The following MUC21 variants were observed in gnomAD, a reference collection of about 807,000 sequenced individuals.
MUC21 encodes the protein mucin-21.
A neutral mutation model predicts 9.1 loss-of-function variants in MUC21; 8 were observed. That is an observed-to-expected ratio of 0.88 (90% confidence interval 0.52 to 1.59). The LOEUF is 1.59. Among genes scored for constraint, MUC21 ranks in the 40% most tolerant of loss-of-function variants. The probability of loss-of-function intolerance (pLI) is 0.00; values close to 1 mark genes in which losing one functional copy is unlikely to be tolerated. For synonymous variants in MUC21, 189 were observed against 275.2 expected (o/e 0.69, Z 3.10); for missense variants, 478 against 694.2 (o/e 0.69, Z 3.50).
intron 1 of MUC21, 109 bp downstream of exon 1, chr6:30,984,128 C>A: frequency 1.5e-6 from 1 of 684,044 alleles, no homozygotes; most frequent in Non-Finnish European, 2.7e-6. Context: ...GAGTGAGGAT[C>A]ATCATTTTAC....
chr6:30,987,523 G>A lies in MUC21; in HGVS notation c.1348G>A (p.Ala450Thr). 6.2e-7 allele frequency: 1 copy of A among 1,614,288 alleles called. No homozygotes were observed. The highest frequency in any genetic ancestry group is 8.5e-7 in the Non-Finnish European group (1 of 1,180,050). Residue 450 changes from alanine (A) to threonine (T), a missense_variant, in exon 2 of 3, where the codon GCA becomes ACA. Coordinates refer to ENST00000376296, the MANE Select transcript of MUC21 (RefSeq NM_001010909.5). ...TGTGACCTCTGCAGGCTCTGGAACA[G>A]CAGCTCTGACTGGAATGCACACAAC... ...SSVTSAGSGT[A>T]ALTGMHTTSH...
In MUC21 at chr6:30,989,025, C is replaced by T. The variant is rs1007456875; in HGVS notation, c.*831C>T. The stretch of plus-strand genomic sequence containing the variant: ...CCCGCCCAGAAGAGCTGCACGTATC[C>T]CTTTCATGAGTCCAGGGAAGAGGGT... On this transcript the variant is annotated 3_prime_UTR_variant, in exon 3 of 3. Coordinates refer to ENST00000376296, the MANE Select transcript of MUC21 (RefSeq NM_001010909.5). 1 of 152,208 alleles carries T rather than the reference C, an allele frequency of 6.6e-6. No individual in the cohort carries two copies. Among genetic ancestry groups the T allele is most frequent in the Admixed American group, 6.5e-5 (1 of 15,284 alleles). 9.4% of individuals were successfully genotyped at this position (152,208 alleles called of 1,614,324 possible).
rs9257008 is a variant in MUC21 at position 30,984,996 on chromosome 6, CAATAAAATAA to C, written c.61+1012_61+1021del. 2.3e-3 allele frequency among the ~76,000 whole-genome samples: 322 copies of C among 142,902 alleles called. 4 individuals are homozygous for C. Among genetic ancestry groups the C allele is most frequent in the Middle Eastern group, 7.0e-3 (2 of 286 alleles). 93.7% of individuals were successfully genotyped at this position (142,902 alleles called of 152,430 possible). ...TCTCAAAAACAAATAAATAAATAAG[CAATAAAATAA>C]AATAAAATAAAATAAAATAAAATAA... On this transcript the variant is annotated intron_variant, in intron 1 of 2. Transcript: ENST00000376296.
intron 2 of MUC21, 65 bp from the exon 3 acceptor site, chr6:30,987,935 C>A: frequency 1.0e-6 from 1 of 982,746 alleles, no homozygotes; most frequent in Non-Finnish European, 1.6e-6. Context: ...TTCCAGAAGG[C>A]GTACGTGGTA....
chr6:30,984,622 A>T lies in MUC21; in HGVS notation c.61+603A>T, dbSNP rs537120881. Among the ~76,000 whole-genome samples the T allele has an allele frequency of 4.3e-3, 653 of 152,076 alleles. 2 individuals are homozygous for T. The highest frequency in any genetic ancestry group is 0.027 in the Middle Eastern group (8 of 294). On this transcript the variant is annotated intron_variant, in intron 1 of 2. Coordinates refer to ENST00000376296, the MANE Select transcript of MUC21 (RefSeq NM_001010909.5). The stretch of plus-strand genomic sequence containing the variant: ...GAGGCGGAGGTTGCAGTGAGCCAAG[A>T]TGGTGCCACTGCACTCCAGCCTGGG...
In MUC21 at chr6:30,987,512, G is replaced by T. The variant is rs768708984; in HGVS notation, c.1337G>T (p.Gly446Val). 8 of 1,614,268 alleles carry T rather than the reference G, an allele frequency of 5.0e-6. No homozygotes were observed. The highest frequency in any genetic ancestry group is 6.8e-6 in the Non-Finnish European group (8 of 1,180,054). ...TNSGSSVTSA[G>V]SGTAALTGMH... ...TCTGGGTCCAGTGTGACCTCTGCAG[G>T]CTCTGGAACAGCAGCTCTGACTGGA... Residue 446 changes from glycine (G) to valine (V), a missense_variant, in exon 2 of 3, where the codon GGC becomes GTC. Physicochemically the swap from Gly to Val is moderately radical, Grantham distance 109. Coordinates refer to ENST00000376296, the MANE Select transcript of MUC21 (RefSeq NM_001010909.5).
rs1762138380 is a variant in MUC21, at chr6:30,983,806, AAC to A, written c.-149_-148del. ...GCCTGAGTCCAAGATTCTTCCCAGG[AAC>A]ACAAACGTAGGAGACCCACGCTCCT... is the stretch of plus-strand genomic sequence containing the variant. On this transcript the variant is annotated 5_prime_UTR_variant, in exon 1 of 3. Coordinates refer to ENST00000376296, the MANE Select transcript of MUC21 (RefSeq NM_001010909.5). 2 of 560,512 alleles carry A rather than the reference AAC, an allele frequency of 3.6e-6. No individual in the cohort carries two copies. The highest frequency in any genetic ancestry group is 3.8e-5 in the African/African-American group (2 of 51,962). The allele number at this position is 560,512 out of a possible 1,614,324, so 34.7% of individuals were successfully genotyped here.
rs377225411 is a variant in MUC21 at position 30,987,251 on chromosome 6, C to G, written c.1076C>G (p.Thr359Arg). 30 of 1,587,830 alleles carry G rather than the reference C, an allele frequency of 1.9e-5. 4 individuals are homozygous for G. Among genetic ancestry groups the G allele is most frequent in the Non-Finnish European group, 5.2e-6 (6 of 1,163,940 alleles). Residue 359 changes from threonine to arginine, a missense_variant, in exon 2 of 3, where the codon ACA (threonine) becomes AGA (arginine). Physicochemically the swap from Thr to Arg is moderately conservative, Grantham distance 71. Around this residue, in one of 5 missense-constraint regions of MUC21, gnomAD observed 155 missense variants for 235.2 expected, o/e 0.66. Transcript: ENST00000376296. Reference sequence around the variant, plus strand: ...AGCACAACCTCCAGTGGGGCCAGCACAGCCACCAACTCTGGGTCCAGCACG... The same window carrying G: ...AGCACAACCTCCAGTGGGGCCAGCAGAGCCACCAACTCTGGGTCCAGCACG... ...ESSTTSSGAS[T>R]ATNSGSSTTS...
chr6:30,987,753 G>C, intron 2 of MUC21, 72 bp downstream of exon 2: 1 of 1,564,718 alleles, frequency 6.4e-7, no homozygotes, highest in South Asian at 1.2e-5. Flanking sequence ...GGTGTGAATA[G>C]AAGGGGTCTC....
Position 30,987,637 on chromosome 6 carries a change from G to C in MUC21, c.1462G>C (p.Val488Leu). ...AATCTTCCTCATCACCCTGGTCTCG[G>C]TTGTGGCGGCCGTGGGGCTCTTTGC... ...WEIFLITLVS[V>L]VAAVGLFAGL... The change falls in exon 2 of 3, where the codon GTT (valine) becomes CTT (leucine). Residue 488 changes from valine to leucine, a missense_variant. Around this residue, in one of 5 missense-constraint regions of MUC21, gnomAD observed 158 missense variants for 192.6 expected, o/e 0.82. Transcript: ENST00000376296. The C allele has an allele frequency of 6.2e-7, 1 of 1,614,226 alleles. No homozygotes were observed. Among genetic ancestry groups the C allele is most frequent in the Non-Finnish European group, 8.5e-7 (1 of 1,180,040 alleles).
chr6:30,987,645 G>A lies in MUC21; in HGVS notation c.1470G>A (p.Ala490=), dbSNP rs368460700. The A allele has an allele frequency of 1.9e-5, 31 of 1,614,064 alleles. 1 individual carries two copies. The highest frequency in any genetic ancestry group is 1.8e-4 in the South Asian group (16 of 91,062). ...IFLITLVSVV[A]AVGLFAGLFF... ...TCATCACCCTGGTCTCGGTTGTGGC[G>A]GCCGTGGGGCTCTTTGCTGGGCTCT... Residue 490 remains alanine (A), a synonymous_variant, in exon 2 of 3, where the codon GCG becomes GCA. Transcript: ENST00000376296.
Position 30,989,224 on chromosome 6 carries a change from T to C in MUC21, c.*1030T>C, listed in dbSNP as rs892239080. 13 of 152,362 alleles carry C rather than the reference T, an allele frequency of 8.5e-5. No homozygotes were observed. The highest frequency in any genetic ancestry group is 2.6e-4 in the African/African-American group (11 of 41,584). The allele number at this position is 152,362 out of a possible 1,614,324, so 9.4% of individuals were successfully genotyped here. A position where few individuals can be genotyped will look rare whatever the true frequency, so the allele number is the denominator to read the frequency against. On this transcript the variant is annotated 3_prime_UTR_variant, in exon 3 of 3. Transcript: ENST00000376296. ...AAACTGCTCCATCTTCCACCACTTA[T>C]TGGGTTTCTCCAGTGTCAGCAAACC...
Position 30,986,317 on chromosome 6 carries a change from T to C in MUC21, c.142T>C (p.Ser48Pro), listed in dbSNP as rs376604330. ...CAGTGGAGCCAGCACAGCCACCAAC[T>C]CTGGGTCCAGTGTGACCTCCAGTGG... ...ISSGASTATN[S>P]GSSVTSSGVS... Residue 48 changes from serine (S) to proline (P), a missense_variant, in exon 2 of 3, where the codon TCT becomes CCT. Ser to Pro is a moderately conservative substitution (Grantham distance 74, BLOSUM62 -1). This residue lies in a region of MUC21 where 110 missense variants were observed against 108.3 expected (regional missense o/e 1.02). Transcript: ENST00000376296. 3.1e-6 allele frequency: 5 copies of C among 1,613,734 alleles called. No homozygotes were observed. Among genetic ancestry groups the C allele is most frequent in the Non-Finnish European group, 4.2e-6 (5 of 1,179,840 alleles).
At position 30,988,186 on chromosome 6, in the gene MUC21, G is replaced by A. The variant is rs747007598; in HGVS notation, c.1693G>A (p.Gly565Arg). The A allele has an allele frequency of 1.9e-5, 30 of 1,611,186 alleles. No homozygotes were observed. The highest frequency in any genetic ancestry group is 3.7e-4 in the Middle Eastern group (2 of 5,412). The part of the protein sequence containing the change: ...IAMEMSGRNS[G>R]P ...CATGGAGATGAGCGGGAGGAACAGC[G>A]GGCCCTGAGCAGCCCCGGAAGCAAG... The change falls in exon 3 of 3, where the codon GGG becomes AGG. Residue 565 changes from glycine (G) to arginine (R), a missense_variant. Around this residue, in one of 5 missense-constraint regions of MUC21, gnomAD observed 158 missense variants for 192.6 expected, o/e 0.82. Coordinates refer to ENST00000376296, the MANE Select transcript of MUC21 (RefSeq NM_001010909.5).
chr6:30,985,912 C>T (rs1447214425), intron 1 of MUC21, among the ~76,000 whole-genome samples: 2 of 152,172 alleles, frequency 1.3e-5, no homozygotes, highest in Non-Finnish European at 2.9e-5. Context: ...TCCCGAGTAG[C>T]TGGAATTAAT....
intron 1 of MUC21, among the ~76,000 whole-genome samples, chr6:30,985,191 A>G (rs1435523179): frequency 6.6e-6 from 1 of 152,116 alleles, no homozygotes; most frequent in Non-Finnish European, 1.5e-5. Flanking sequence ...ACTCCAGCCA[A>G]GCCTCCAAGA....
At position 30,988,777 on chromosome 6, in the gene MUC21, T is replaced by C. The variant is rs939110738; in HGVS notation, c.*583T>C. On this transcript the variant is annotated 3_prime_UTR_variant, in exon 3 of 3. Coordinates refer to ENST00000376296, the MANE Select transcript of MUC21 (RefSeq NM_001010909.5). ...GTGGAGGCGTTACAACTACCTGCTC[T>C]GTGTGTGGGGGGGGAGGGGGGAGGG... 2 of 53,716 alleles carry C rather than the reference T, an allele frequency of 3.7e-5. No homozygotes were observed. The highest frequency in any genetic ancestry group is 1.5e-4 in the African/African-American group (2 of 13,194). The allele number at this position is 53,716 out of a possible 1,614,324, so 3.3% of individuals were successfully genotyped here.
At position 30,989,877 on chromosome 6, in the gene MUC21, C is replaced by T. The variant is rs1383821649; in HGVS notation, c.*1683C>T. 1 of 152,204 alleles carries T rather than the reference C, an allele frequency of 6.6e-6. No individual in the cohort carries two copies. Among genetic ancestry groups the T allele is most frequent in the East Asian group, 1.9e-4 (1 of 5,192 alleles). The allele number at this position is 152,204 out of a possible 1,614,324, so 9.4% of individuals were successfully genotyped here. On this transcript the variant is annotated 3_prime_UTR_variant, in exon 3 of 3. Transcript: ENST00000376296. ...TCAGACATCACTTCTCTTTGGAAGA[C>T]TCCATTAAATATTTCTCTGTGAGAA...
chr6:30,985,383 C>T (rs1440016789), intron 1 of MUC21, among the ~76,000 whole-genome samples: 1 of 152,086 alleles, frequency 6.6e-6, no homozygotes, highest in Non-Finnish European at 1.5e-5. Context: ...ACTCCTGGGC[C>T]CCATCTCAAA....
Sources: allele counts gnomAD v4.1 joint callset (sites outside exome capture counted in the v4.1 genomes callset), GRCh38; gene constraint gnomAD v4.1.1; regional missense constraint gnomAD v4.1.1; transcripts MANE v1.5; gene names NCBI Gene and HGNC (gene_info 2026-07-23, HGNC 2026-07-21).